The following NLRP14 variants were observed in gnomAD, a reference collection of about 807,000 sequenced individuals.
NLRP14 encodes the protein NLR family pyrin domain containing 14, also known as NACHT, LRR and PYD domains-containing protein 14.
In NLRP14, 105 loss-of-function variants were observed where a neutral mutation model predicts 94.7. The ratio of observed to expected loss-of-function variants is 1.11; its 90% CI spans 0.95 to 1.30. The LOEUF (loss-of-function observed/expected upper bound fraction) is 1.30, where lower values mean the gene tolerates loss of function less well. Among genes scored for constraint, NLRP14 ranks in the 50% most tolerant of loss-of-function variants. NLRP14 has a pLI of 0.00. For synonymous variants in NLRP14, 508 were observed against 459.9 expected (o/e 1.10, Z -1.34); for missense variants, 1,362 against 1,254.1 (o/e 1.09, Z -1.30).
rs1359623978 is a variant in NLRP14, at chr11:7,062,448, G to A, written c.2920G>A (p.Val974Met). Residue 974 changes from valine (V) to methionine (M), a missense_variant, in exon 10 of 12, where the codon GTG (valine) becomes ATG (methionine). Transcript: ENST00000299481. ...LGNNDLQDDG[V>M]KILCDALRYP... ...GAACAACGATTTGCAGGATGATGGA[G>A]TGAAAATTCTGTGTGATGCTTTGAG... 6.2e-7 allele frequency: 1 copy of A among 1,613,252 alleles called. No individual in the cohort carries two copies. Among genetic ancestry groups the A allele is most frequent in the Non-Finnish European group, 8.5e-7 (1 of 1,179,406 alleles).
chr11:7,077,451 T>G, the NLRP14 span, among the ~76,000 whole-genome samples: 1 of 152,254 alleles, frequency 6.6e-6, no homozygotes, highest in Non-Finnish European at 1.5e-5. Context: ...TCCAGAAAAG[T>G]GGATGCTTAC....
chr11:7,023,524 A>AATATATGT (rs1554953803), intron 1 of NLRP14, among the ~76,000 whole-genome samples: 6 of 144,506 alleles, frequency 4.2e-5, no homozygotes, highest in African/African-American at 1.2e-4. Context: ...TAATATATAA[A>AATATATGT]ATATATTTAT....
chr11:7,041,306 T>G (rs1229936710), intron 3 of NLRP14, among the ~76,000 whole-genome samples: 4 of 152,176 alleles, frequency 2.6e-5, no homozygotes, highest in East Asian at 1.9e-4. Context: ...GTTTTAAAAT[T>G]ACATAAAGTG....
In NLRP14 at chr11:7,043,524, GC is replaced by G; in HGVS notation, c.1499del (p.Ala500ValfsTer12). 2.5e-6 allele frequency: 4 copies of G among 1,614,186 alleles called. No homozygotes were observed. The highest frequency in any genetic ancestry group is 3.4e-6 in the Non-Finnish European group (4 of 1,180,018). ...CTATATGTTGAAAGGCAGTTGGGAA[GC>G]TGGGAACCCTTCCTGCCAGCCTTTT... is the stretch of plus-strand genomic sequence containing the variant. ...MFYMLKGSWE[A>X]GNPSCQPFED... On this transcript the variant is annotated frameshift_variant, in exon 4 of 12. Transcript: ENST00000299481. LOFTEE classifies it high-confidence loss of function.
rs1480868363 is a variant in NLRP14 at position 7,049,908 on chromosome 11, T to A, written c.2291+70T>A. The A allele has an allele frequency of 6.1e-6, 8 of 1,305,700 alleles. No homozygotes were observed. In the East Asian group the frequency reaches 1.4e-4, roughly 23 times the overall value. The allele number at this position is 1,305,700 out of a possible 1,614,324, so 80.9% of individuals were successfully genotyped here. ...GCTTTTGTCTATCCAAGTAGACTCTTACAGCCTGGATTTGCTATTCATAGG... is the reference window on the plus strand; with the variant it reads ...GCTTTTGTCTATCCAAGTAGACTCTAACAGCCTGGATTTGCTATTCATAGG... On this transcript the variant is annotated intron_variant, in intron 6 of 11. Transcript: ENST00000299481.
chr11:7,023,463 T>C (rs979321389), intron 1 of NLRP14, among the ~76,000 whole-genome samples: 1 of 146,178 alleles, frequency 6.8e-6, no homozygotes, highest in African/African-American at 2.5e-5. Flanking sequence ...TATGTATAAA[T>C]CTATTTTTAC....
Position 7,049,791 on chromosome 11 carries a change from A to C in NLRP14, c.2244A>C (p.Ser748=), listed in dbSNP as rs764038471. The change falls in exon 6 of 12, where the codon TCA becomes TCC. Residue 748 remains serine, a synonymous_variant. Transcript: ENST00000299481. ...GSDIGDNGVK[S]LCEALKHPEC... ...ATATAGGGGATAATGGAGTAAAGTCATTGTGTGAGGCCTTGAAACACCCAG... is the reference window on the plus strand; with the variant it reads ...ATATAGGGGATAATGGAGTAAAGTCCTTGTGTGAGGCCTTGAAACACCCAG... The C allele has an allele frequency of 6.2e-6, 10 of 1,611,868 alleles. No homozygotes were observed. Among genetic ancestry groups the C allele is most frequent in the Non-Finnish European group, 5.9e-6 (7 of 1,178,114 alleles).
intron 1 of NLRP14, among the ~76,000 whole-genome samples, chr11:7,031,952 T>C (rs186864162): frequency 1.3e-5 from 2 of 152,272 alleles, no homozygotes; most frequent in African/African-American, 4.8e-5. Flanking sequence ...TTTAGTGCTT[T>C]AGCACCCCCA....
chr11:7,047,885 G>A (rs564285280), intron 5 of NLRP14, among the ~76,000 whole-genome samples: 14 of 149,100 alleles, frequency 9.4e-5, no homozygotes, highest in African/African-American at 3.4e-4. Flanking sequence ...TCAGCCTCCC[G>A]AGTAGGTGGG....
intron 10 of NLRP14, 40 bp downstream of exon 10, chr11:7,062,543 TG>T: frequency 1.9e-6 from 3 of 1,549,040 alleles, no homozygotes; most frequent in Non-Finnish European, 2.7e-6. Flanking sequence ...GATGCCTATT[TG>T]GTAGCTAGTA....
chr11:7,089,408 G>C, the NLRP14 span: 3 of 1,584,118 alleles, frequency 1.9e-6, no homozygotes, highest in Admixed American at 5.3e-5. Context: ...GGCGGGGCCC[G>C]CCGCCTCCCC....
At chr11:7,048,551 C>T (rs1852394242) in intron 5 of NLRP14, among the ~76,000 whole-genome samples, 1 of 152,122 alleles carries the variant, frequency 6.6e-6, no homozygotes, top group Non-Finnish European at 1.5e-5. Flanking sequence ...CAAATATTTT[C>T]CTCCTGATCT....
intron 4 of NLRP14, among the ~76,000 whole-genome samples, chr11:7,045,322 G>T (rs1738149697): frequency 1.3e-5 from 2 of 152,168 alleles, no homozygotes; most frequent in South Asian, 4.1e-4. Flanking sequence ...AATAGTAAAT[G>T]CTAGAACAGT....
the NLRP14 span, chr11:7,089,073 C>T: frequency 4.9e-5 from 78 of 1,584,682 alleles, no homozygotes; most frequent in African/African-American, 5.0e-4. Flanking sequence ...CGACTGGCGC[C>T]GCCTCACCGC....
chr11:7,038,529 T>C, intron 1 of NLRP14, 37 bp from the exon 2 acceptor site: 1 of 1,503,546 alleles, frequency 6.7e-7, no homozygotes, highest in Admixed American at 1.7e-5. Flanking sequence ...GTCCCATTTA[T>C]TCCATGTGCT....
In NLRP14 at chr11:7,042,604, T is replaced by A. The variant is rs763843027; in HGVS notation, c.578T>A (p.Val193Glu). 6.2e-7 allele frequency: 1 copy of A among 1,614,214 alleles called. No individual in the cohort carries two copies. The highest frequency in any genetic ancestry group is 8.5e-7 in the Non-Finnish European group (1 of 1,180,048). Residue 193 changes from valine (V) to glutamate (E), a missense_variant, in exon 4 of 12, where the codon GTG (valine) becomes GAG (glutamate). Physicochemically the swap from Val to Glu is moderately radical, Grantham distance 121. Coordinates refer to ENST00000299481, the MANE Select transcript of NLRP14 (RefSeq NM_176822.4). ...GAAGVGKTTLVRKAMLDWAEG... is the reference protein window; with the variant it reads ...GAAGVGKTTLERKAMLDWAEG... Reference sequence around the variant, plus strand: ...GCTGGAGTTGGGAAAACAACCTTGGTGAGAAAGGCAATGTTAGATTGGGCA... The same window carrying A: ...GCTGGAGTTGGGAAAACAACCTTGGAGAGAAAGGCAATGTTAGATTGGGCA...
intron 10 of NLRP14, among the ~76,000 whole-genome samples, chr11:7,066,571 A>G (rs1167466124): frequency 1.3e-5 from 2 of 151,934 alleles, no homozygotes; most frequent in African/African-American, 4.8e-5. Flanking sequence ...TTTCTTGTCA[A>G]TTTGTTTAAA....
At chr11:7,066,913 T>TGCATATGGCTAGCCAGTTTTCC (rs1487853703) in intron 10 of NLRP14, among the ~76,000 whole-genome samples, 1 of 152,214 alleles carries the variant, frequency 6.6e-6, no homozygotes, top group Non-Finnish European at 1.5e-5. Context: ...TTCAGTTTTC[T>TGCATATGGCTAGCCAGTTTTCC]GCATATGGCT....
At chr11:7,051,766 G>T (rs1004497540) in intron 6 of NLRP14, among the ~76,000 whole-genome samples, 5 of 152,110 alleles carry the variant, frequency 3.3e-5, no homozygotes, top group Non-Finnish European at 7.3e-5. Context: ...GGGACTACAG[G>T]CCCATGCCAC....
Sources: allele counts gnomAD v4.1 joint callset (sites outside exome capture counted in the v4.1 genomes callset), GRCh38; gene constraint gnomAD v4.1.1; transcripts MANE v1.5; gene names NCBI Gene and HGNC (gene_info 2026-07-23, HGNC 2026-07-21).